Variants in GPC3 observed in about 807,000 individuals in gnomAD.
The protein encoded by GPC3 is glypican-3.
In GPC3, 3 loss-of-function variants were observed where a neutral mutation model predicts 34.4. That is an observed-to-expected ratio of 0.09 (90% CI 0.04 to 0.23). GPC3 has a LOEUF of 0.23. GPC3 is among the 10% of genes least tolerant of loss of function. GPC3 has a pLI of 1.00. For synonymous variants in GPC3, 177 were observed against 174.0 expected (o/e 1.02, Z -0.13); for missense variants, 351 against 445.6 (o/e 0.79, Z 1.91).
At chrX:133,561,735 T>C (rs774153347) in intron 7 of GPC3, among the ~76,000 whole-genome samples, 1 of 112,270 alleles carries the variant, frequency 8.9e-6, no homozygotes, top group African/African-American at 3.2e-5. Context: ...GCATCAAATA[T>C]TGAAGCTTGT....
chrX:133,539,188 C>T (rs764350521), intron 7 of GPC3, among the ~76,000 whole-genome samples: 13 of 110,932 alleles, frequency 1.2e-4, no homozygotes, highest in African/African-American at 4.3e-4. Flanking sequence ...TTATAATTCC[C>T]ATTTTACTGG....
In GPC3 at chrX:133,726,334, C is replaced by G. The variant is rs187096583; in HGVS notation, c.1033-26306G>C. Among the ~76,000 whole-genome samples, 375 of 111,565 alleles carry G rather than the reference C, an allele frequency of 3.4e-3. 1 individual carries two copies. Among genetic ancestry groups the G allele is most frequent in the African/African-American group, 0.012 (362 of 30,657 alleles). Reference sequence around the variant, plus strand: ...CTTAGGACATTGTCTCAAATATCAACTGTAAGACAGGGAATCCAGATTAAT... The same window carrying G: ...CTTAGGACATTGTCTCAAATATCAAGTGTAAGACAGGGAATCCAGATTAAT... On this transcript the variant is annotated intron_variant, in intron 3 of 7. Coordinates refer to ENST00000370818, the MANE Select transcript of GPC3 (RefSeq NM_004484.4).
intron 2 of GPC3, among the ~76,000 whole-genome samples, chrX:133,823,590 A>C (rs1168805774): frequency 8.9e-6 from 1 of 111,741 alleles, no homozygotes; most frequent in Non-Finnish European, 1.9e-5. Context: ...GGATTTTGCA[A>C]TATATTCATA....
At chrX:133,886,502 A>G (rs907646579) in intron 2 of GPC3, among the ~76,000 whole-genome samples, 10 of 112,047 alleles carry the variant, frequency 8.9e-5, no homozygotes, top group African/African-American at 2.9e-4. Context: ...ATACTGTAGA[A>G]TGATTGAGTC....
At chrX:133,773,306 C>A (rs2071941974) in intron 2 of GPC3, among the ~76,000 whole-genome samples, 1 of 111,235 alleles carries the variant, frequency 9.0e-6, no homozygotes, top group South Asian at 3.8e-4. Flanking sequence ...GAAGGCAGAG[C>A]CCAGGCGGCC....
intron 2 of GPC3, among the ~76,000 whole-genome samples, chrX:133,755,029 A>C (rs779457935): frequency 8.9e-6 from 1 of 112,060 alleles, no homozygotes; most frequent in African/African-American, 3.2e-5. Context: ...AAGAGAAAGT[A>C]GTAATGTCAC....
At chrX:133,617,432 G>T (rs967929443) in intron 6 of GPC3, among the ~76,000 whole-genome samples, 1 of 112,279 alleles carries the variant, frequency 8.9e-6, no homozygotes, top group African/African-American at 3.2e-5. Flanking sequence ...CTTTGCATCT[G>T]TTTCCTTGTC....
chrX:133,793,033 C>T (rs2072182336), intron 2 of GPC3, among the ~76,000 whole-genome samples: 1 of 109,961 alleles, frequency 9.1e-6, no homozygotes, highest in Non-Finnish European at 1.9e-5. Flanking sequence ...TAATGATAAT[C>T]TTCTGGTTTA....
At chrX:133,881,012 C>G (rs1347213953) in intron 2 of GPC3, among the ~76,000 whole-genome samples, 1 of 112,013 alleles carries the variant, frequency 8.9e-6, no homozygotes, top group Non-Finnish European at 1.9e-5. Context: ...AGTAATTAAC[C>G]AATTTGCAAT....
At chrX:133,629,146 A>G (rs1218989628) in intron 6 of GPC3, among the ~76,000 whole-genome samples, 1 of 112,051 alleles carries the variant, frequency 8.9e-6, no homozygotes, top group African/African-American at 3.2e-5. Context: ...TGTCCAATAC[A>G]TTATAAACCA....
intron 7 of GPC3, among the ~76,000 whole-genome samples, chrX:133,550,629 T>C (rs779305380): frequency 3.6e-5 from 4 of 111,689 alleles, no homozygotes; most frequent in African/African-American, 1.3e-4. Flanking sequence ...CAGGAAACAA[T>C]GGCTGCATGA....
chrX:133,909,098 C>A (rs997602392), intron 2 of GPC3, among the ~76,000 whole-genome samples: 17 of 112,505 alleles, frequency 1.5e-4, no homozygotes, highest in Non-Finnish European at 2.3e-4. Context: ...GTGTATTCCT[C>A]ACAGTGCTTA....
intron 2 of GPC3, among the ~76,000 whole-genome samples, chrX:133,813,029 G>A (rs906552286): frequency 8.9e-6 from 1 of 112,849 alleles, no homozygotes; most frequent in Non-Finnish European, 1.9e-5. Context: ...GTTCTATGCT[G>A]AACATTTTAC....
chrX:133,876,017 ATAT>A (rs1342060729), intron 2 of GPC3, among the ~76,000 whole-genome samples: 2 of 111,958 alleles, frequency 1.8e-5, no homozygotes, highest in Non-Finnish European at 3.8e-5. Context: ...TCATTTAGAA[ATAT>A]TATTAGACTA....
chrX:133,678,558 G>A (rs111881156), intron 5 of GPC3, among the ~76,000 whole-genome samples: 4 of 111,573 alleles, frequency 3.6e-5, no homozygotes, highest in African/African-American at 1.3e-4. Context: ...CCTAGGACTT[G>A]GGACCTTCTG....
intron 3 of GPC3, among the ~76,000 whole-genome samples, chrX:133,747,527 T>C (rs749901245): frequency 8.9e-6 from 1 of 112,022 alleles, no homozygotes; most frequent in Admixed American, 9.5e-5. Flanking sequence ...AATAATATAA[T>C]AAAAACCTAC....
At chrX:133,640,014 C>T (rs2070465977) in intron 6 of GPC3, among the ~76,000 whole-genome samples, 1 of 111,315 alleles carries the variant, frequency 9.0e-6, no homozygotes, top group African/African-American at 3.3e-5. Flanking sequence ...GGTGCACTTG[C>T]CCCTGCCACT....
chrX:133,704,772 T>C (rs1054050044), intron 3 of GPC3, among the ~76,000 whole-genome samples: 1 of 111,080 alleles, frequency 9.0e-6, no homozygotes, highest in African/African-American at 3.3e-5. Flanking sequence ...CTTTCTTGTT[T>C]TTGAAGTTTT....
intron 4 of GPC3, among the ~76,000 whole-genome samples, chrX:133,693,156 AGTGTGTGTGTGTGTGTGTGTGTGTGT>A (rs57735935): frequency 3.4e-5 from 3 of 89,401 alleles, no homozygotes; most frequent in African/African-American, 1.2e-4. Context: ...TAATAAGACA[AGTGTGTGTGTGTGTGTGTGTGTGTGT>A]GTGTGTGTGT....
Sources: gnomAD v4.1 joint callset for allele counts (sites outside exome capture counted in the v4.1 genomes callset) on GRCh38, gnomAD v4.1.1 for gene constraint, MANE v1.5 for transcripts, NCBI Gene and HGNC (gene_info 2026-07-23, HGNC 2026-07-21) for gene names.